SCN9A: variants seen among roughly 807,000 people sequenced by gnomAD.
SCN9A encodes sodium channel protein type 9 subunit alpha.
Under a neutral mutation model 187.0 loss-of-function variants are expected in SCN9A, and 131 were observed. The observed-to-expected ratio is 0.70, with a 90% CI of 0.61 to 0.81. The LOEUF (loss-of-function observed/expected upper bound fraction) is 0.81. Ranked by LOEUF, SCN9A falls within the 30% of genes least tolerant of loss-of-function variation. The pLI is 0.00. For synonymous variants in SCN9A, 809 were observed against 808.6 expected (o/e 1.00, Z -0.01); for missense variants, 2,252 against 2,396.6 (o/e 0.94, Z 1.26).
At chr2:166,352,694 C>T (rs1316368166) in intron 1 of SCN9A, among the ~76,000 whole-genome samples, 1 of 152,108 alleles carries the variant, frequency 6.6e-6, no homozygotes, top group Non-Finnish European at 1.5e-5. Context: ...ATATACTGAT[C>T]AAGATACTTT....
chr2:166,201,291 T>A (rs559903513), intron 26 of SCN9A, among the ~76,000 whole-genome samples: 3 of 147,584 alleles, frequency 2.0e-5, no homozygotes, highest in Non-Finnish European at 4.5e-5. Flanking sequence ...CATATACATA[T>A]ACATATACTA....
intron 1 of SCN9A, among the ~76,000 whole-genome samples, chr2:166,365,681 G>C (rs182175100): frequency 2.6e-4 from 39 of 152,138 alleles, no homozygotes; most frequent in African/African-American, 8.9e-4. Context: ...AGCTCCCTTA[G>C]TTTTTCATTT....
intron 1 of SCN9A, among the ~76,000 whole-genome samples, chr2:166,370,211 A>ATCATCATC (rs1553507670): frequency 9.8e-5 from 9 of 92,262 alleles, no homozygotes; most frequent in African/African-American, 4.0e-4. Flanking sequence ...TAATAATAAT[A>ATCATCATC]ATAATAATAA....
chr2:166,211,531 T>G (rs1694093849), intron 24 of SCN9A, among the ~76,000 whole-genome samples: 1 of 151,696 alleles, frequency 6.6e-6, no homozygotes, highest in African/African-American at 2.4e-5. Context: ...TATAAATCAT[T>G]TATAATTCTA....
chr2:166,238,283 T>C lies in SCN9A; in HGVS notation c.3628-16A>G, dbSNP rs749639974. The stretch of plus-strand genomic sequence containing the variant: ...CTTCAAAAGCCTGTGGAAATAATAT[T>C]CAAGTTTCAATCATGCACAACTTAA... On this transcript the variant is annotated splice_polypyrimidine_tract_variant and intron_variant, in intron 19 of 26. Coordinates refer to ENST00000642356, the MANE Select transcript of SCN9A (RefSeq NM_001365536.1). 9 of 1,492,520 alleles carry C rather than the reference T, an allele frequency of 6.0e-6. No individual in the cohort carries two copies. The highest frequency in any genetic ancestry group is 2.6e-5 in the South Asian group (2 of 76,478). The allele number at this position is 1,492,520 out of a possible 1,614,324, so 92.5% of individuals were successfully genotyped here. A position where few individuals can be genotyped will look rare whatever the true frequency, so the allele number is the denominator to read the frequency against.
intron 7 of SCN9A, among the ~76,000 whole-genome samples, chr2:166,295,382 C>T (rs751876566): frequency 9.9e-5 from 15 of 152,150 alleles, no homozygotes; most frequent in East Asian, 1.9e-4. Flanking sequence ...ATCATTAGGA[C>T]GTTTCGTCCT....
chr2:166,221,454 G>C (rs954822567), intron 24 of SCN9A, among the ~76,000 whole-genome samples: 5 of 152,132 alleles, frequency 3.3e-5, no homozygotes, highest in African/African-American at 1.2e-4. Flanking sequence ...AGGCCAGAGT[G>C]CAGTGGCATG....
chr2:166,239,295 A>T (rs1223401316), intron 19 of SCN9A, among the ~76,000 whole-genome samples: 1 of 151,972 alleles, frequency 6.6e-6, no homozygotes, highest in South Asian at 2.1e-4. Context: ...CTAAAGTGTT[A>T]GAACTTTCTC....
intron 1 of SCN9A, among the ~76,000 whole-genome samples, chr2:166,361,800 T>C (rs982486728): frequency 6.6e-6 from 1 of 152,010 alleles, no homozygotes; most frequent in Non-Finnish European, 1.5e-5. Flanking sequence ...ACAAGGAACA[T>C]TGTTTTTTTA....
chr2:166,370,122 A>G (rs989401256), intron 1 of SCN9A, among the ~76,000 whole-genome samples: 3 of 151,534 alleles, frequency 2.0e-5, no homozygotes, highest in African/African-American at 4.8e-5. Flanking sequence ...ATTGGATTTA[A>G]AAACATATAG....
chr2:166,340,538 T>G, intron 1 of SCN9A, among the ~76,000 whole-genome samples: 1 of 95,778 alleles, frequency 1.0e-5, no homozygotes, highest in South Asian at 3.5e-4. Context: ...TTTCTTTTCT[T>G]TCCCTTTCTT....
At position 166,233,443 on chromosome 2, in the gene SCN9A, A is replaced by C; in HGVS notation, c.3821T>G (p.Val1274Gly). ...LIVDVSLVTL[V>G]ANTLGYSDLG... Reference sequence around the variant, plus strand: ...ATCTGAGTAGCCAAGAGTGTTTGCCACTAAAGTAACCAAAGAAACCTATAA... The same window carrying C: ...ATCTGAGTAGCCAAGAGTGTTTGCCCCTAAAGTAACCAAAGAAACCTATAA... The change falls in exon 21 of 27, where the codon GTG (valine) becomes GGG (glycine). Residue 1274 changes from valine (V) to glycine (G), a missense_variant. Around this residue, in one of 7 missense-constraint regions of SCN9A, gnomAD observed 368 missense variants for 408.6 expected, o/e 0.90. Transcript: ENST00000642356. The C allele has an allele frequency of 1.9e-6, 3 of 1,572,646 alleles. No individual in the cohort carries two copies. In the East Asian group the frequency reaches 6.9e-5, roughly 36 times the overall value.
intron 4 of SCN9A, 127 bp downstream of exon 4, chr2:166,306,383 A>T: frequency 3.0e-6 from 2 of 668,116 alleles, no homozygotes; most frequent in Non-Finnish European, 5.4e-6. Context: ...ACAAAAGAAA[A>T]GCAAGCATAT....
intron 6 of SCN9A, 190 bp downstream of exon 6, chr2:166,304,048 G>T (rs773099131): frequency 3.7e-5 from 59 of 1,613,176 alleles, no homozygotes; most frequent in Admixed American, 2.0e-4. Flanking sequence ...GACTGAAATT[G>T]TTTTCAATGC....
rs748564719 is a variant in SCN9A, at chr2:166,307,072, A to T, written c.261T>A (p.Thr87=). 1.3e-6 allele frequency: 2 copies of T among 1,531,662 alleles called. No homozygotes were observed. 94.9% of individuals were successfully genotyped at this position (1,531,662 alleles called of 1,614,324 possible). A position where few individuals can be genotyped will look rare whatever the true frequency, so the allele number is the denominator to read the frequency against. The part of the protein sequence containing the change: ...DLDPYYADKK[T]FIVLNKGKTI... ...TTTTCCCTTTGTTCAATACTATGAA[A>T]GTCTGCAGGAGGAAAAAGAAAGGAT... is the stretch of plus-strand genomic sequence containing the variant. The change falls in exon 3 of 27, where the codon ACT becomes ACA. Residue 87 remains threonine (T), a splice_region_variant and synonymous_variant. Transcript: ENST00000642356.
At chr2:166,279,170 T>C (rs910505430) in intron 14 of SCN9A, among the ~76,000 whole-genome samples, 2 of 152,078 alleles carry the variant, frequency 1.3e-5, no homozygotes, top group Non-Finnish European at 2.9e-5. Flanking sequence ...AATTAGAAAC[T>C]AGATATTCCT....
Position 166,345,891 on chromosome 2 carries a change from T to C in SCN9A, c.-51+29806A>G, listed in dbSNP as rs191935835. Among the ~76,000 whole-genome samples, 96 of 152,304 alleles carry C rather than the reference T, an allele frequency of 6.3e-4. 1 individual carries two copies. Among genetic ancestry groups the C allele is most frequent in the Admixed American group, 5.2e-3 (79 of 15,290 alleles). On this transcript the variant is annotated intron_variant, in intron 1 of 26. Coordinates refer to ENST00000642356, the MANE Select transcript of SCN9A (RefSeq NM_001365536.1). ...TAGGAAGAAAGCAACTGTTTAAACA[T>C]GGGCATTACACATTACACTTTCCAA...
intron 24 of SCN9A, among the ~76,000 whole-genome samples, chr2:166,212,827 A>G (rs1461812094): frequency 2.6e-5 from 4 of 152,226 alleles, no homozygotes; most frequent in Non-Finnish European, 5.9e-5. Context: ...TCAGTAATAG[A>G]AGGAAAACTG....
At chr2:166,317,602 A>G (rs1479760765) in intron 1 of SCN9A, among the ~76,000 whole-genome samples, 1 of 152,206 alleles carries the variant, frequency 6.6e-6, no homozygotes, top group African/African-American at 2.4e-5. Flanking sequence ...ACACACACAT[A>G]TATATAGATA....
Sources: gnomAD v4.1 joint callset for allele counts (sites outside exome capture counted in the v4.1 genomes callset) on GRCh38, gnomAD v4.1.1 for gene constraint, gnomAD v4.1.1 regional missense constraint, MANE v1.5 for transcripts, NCBI Gene and HGNC (gene_info 2026-07-23, HGNC 2026-07-21) for gene names.